The following MBD5 variants were observed in gnomAD, a reference collection of about 807,000 sequenced individuals.
MBD5 encodes methyl-CpG binding domain protein 5.
In MBD5, 13 loss-of-function variants were observed where a neutral mutation model predicts 117.3. That is an observed-to-expected ratio of 0.11 (90% CI 0.07 to 0.18). The LOEUF is 0.18. Ranked by LOEUF, MBD5 falls within the 10% of genes least tolerant of loss-of-function variation. The probability of loss-of-function intolerance (pLI) is 1.00; values close to 1 mark genes in which losing one functional copy is unlikely to be tolerated. For missense variants in MBD5, 1,879 were observed against 2,093.8 expected (o/e 0.90, Z 2.00); for synonymous variants, 727 against 766.4 (o/e 0.95, Z 0.85).
At chr2:148,391,856 A>G (rs1323070339) in intron 4 of MBD5, among the ~76,000 whole-genome samples, 2 of 152,214 alleles carry the variant, frequency 1.3e-5, no homozygotes, top group Non-Finnish European at 2.9e-5. Flanking sequence ...GCATCTGTTC[A>G]TCAAGGAACA....
chr2:148,487,931 C>CG (rs1471550120), intron 10 of MBD5, among the ~76,000 whole-genome samples: 1 of 151,976 alleles, frequency 6.6e-6, no homozygotes, highest in Non-Finnish European at 1.5e-5. Flanking sequence ...AGCAGGGGGT[C>CG]GGGGGTAGGA....
intron 3 of MBD5, among the ~76,000 whole-genome samples, chr2:148,257,084 C>T (rs572057829): frequency 6.6e-6 from 1 of 152,202 alleles, no homozygotes; most frequent in Non-Finnish European, 1.5e-5. Context: ...GTTTCTCTAT[C>T]AAGGAATAAC....
At chr2:148,311,250 A>T (rs1702022301) in intron 3 of MBD5, among the ~76,000 whole-genome samples, 1 of 152,172 alleles carries the variant, frequency 6.6e-6, no homozygotes, top group Non-Finnish European at 1.5e-5. Flanking sequence ...GTGGGGCATT[A>T]AAGTCTCCCA....
chr2:148,258,836 T>C (rs113169118), intron 3 of MBD5, among the ~76,000 whole-genome samples: 19,278 of 152,170 alleles, frequency 0.13, 1,483 homozygotes, highest in Non-Finnish European at 0.18. Flanking sequence ...CCCCTGTGGG[T>C]GGGGCATCTT....
chr2:148,431,003 G>A lies in MBD5; in HGVS notation c.-556-27200G>A, dbSNP rs138326766. ...GCTTTTTATGAGTTTACTGATTGGAGTACAGTCTGTCTTTACACATAATGT... is the reference window on the plus strand; with the variant it reads ...GCTTTTTATGAGTTTACTGATTGGAATACAGTCTGTCTTTACACATAATGT... On this transcript the variant is annotated intron_variant, in intron 4 of 13. Transcript: ENST00000642680. 5.9e-3 allele frequency among the ~76,000 whole-genome samples: 897 copies of A among 152,142 alleles called. 29 individuals are homozygous for A. The highest frequency in any genetic ancestry group is 0.051 in the Admixed American group (778 of 15,228).
At chr2:148,135,903 C>T (rs998620805) in intron 1 of MBD5, among the ~76,000 whole-genome samples, 44 of 152,130 alleles carry the variant, frequency 2.9e-4, no homozygotes, top group Non-Finnish European at 5.7e-4. Context: ...GAAGACCTCT[C>T]GGGGCCCTGT....
chr2:148,121,364 T>G (rs1696764374), intron 1 of MBD5, among the ~76,000 whole-genome samples: 1 of 151,962 alleles, frequency 6.6e-6, no homozygotes. Flanking sequence ...AAGGCATGCC[T>G]AAAAAAATAA....
In MBD5 at chr2:148,229,170, T is replaced by A. The variant is rs1387165399; in HGVS notation, c.-830-4075T>A. On this transcript the variant is annotated intron_variant, in intron 2 of 13. Transcript: ENST00000642680. ...TTTGCAGCCTGCTTTGCTTCATTGT[T>A]TTTTCTTTTCTTTCTTTTTTTTTTG... Among the ~76,000 whole-genome samples, 3 of 150,940 alleles carry A rather than the reference T, an allele frequency of 2.0e-5. No individual in the cohort carries two copies. In the East Asian group the frequency reaches 5.8e-4, roughly 29 times the overall value.
At chr2:148,154,027 A>C (rs1220841952) in intron 1 of MBD5, among the ~76,000 whole-genome samples, 1 of 99,738 alleles carries the variant, frequency 1.0e-5, no homozygotes, top group Non-Finnish European at 2.2e-5. Flanking sequence ...TGCGTTTTAG[A>C]GTTTCCAGTT....
At chr2:148,260,720 T>C (rs1700711729) in intron 3 of MBD5, 1 of 185,284 alleles carries the variant, frequency 5.4e-6, no homozygotes, top group Non-Finnish European at 1.2e-5. Flanking sequence ...TGAATATTCC[T>C]AATGGCATCT....
At chr2:148,477,905 G>A (rs959786327) in intron 8 of MBD5, among the ~76,000 whole-genome samples, 1 of 152,180 alleles carries the variant, frequency 6.6e-6, no homozygotes, top group Non-Finnish European at 1.5e-5. Flanking sequence ...TTAGCATAAA[G>A]TAGTATTTGT....
chr2:148,512,897 C>A lies in MBD5; in HGVS notation c.5140C>A (p.Gln1714Lys). The change falls in exon 14 of 14, where the codon CAA becomes AAA. Residue 1714 changes from glutamine to lysine, a missense_variant. Physicochemically the swap from Gln to Lys is moderately conservative, Grantham distance 53. Around this residue, in one of 4 missense-constraint regions of MBD5, gnomAD observed 135 missense variants for 148.0 expected, o/e 0.91. Coordinates refer to ENST00000642680, the MANE Select transcript of MBD5 (RefSeq NM_001378120.1). The part of the protein sequence containing the change: ...TVHQIPQGDR[Q>K]MRPPKPKRRK... The stretch of plus-strand genomic sequence containing the variant: ...ACACCAAATCCCACAGGGTGACAGA[C>A]AAATGAGACCCCCCAAACCCAAGAG... 2 of 1,613,842 alleles carry A rather than the reference C, an allele frequency of 1.2e-6. No homozygotes were observed. Among genetic ancestry groups the A allele is most frequent in the South Asian group, 1.1e-5 (1 of 91,068 alleles).
At chr2:148,158,916 G>A (rs773661352) in intron 1 of MBD5, among the ~76,000 whole-genome samples, 1 of 152,150 alleles carries the variant, frequency 6.6e-6, no homozygotes, top group Non-Finnish European at 1.5e-5. Flanking sequence ...TAGAGACGGG[G>A]TTTCATCGTG....
intron 1 of MBD5, among the ~76,000 whole-genome samples, chr2:148,120,519 C>T (rs1696746057): frequency 6.6e-6 from 1 of 152,074 alleles, no homozygotes. Context: ...TTTGGTTATT[C>T]ATAAGTATTT....
chr2:148,186,550 A>G (rs1201988047), intron 2 of MBD5, among the ~76,000 whole-genome samples: 1 of 152,244 alleles, frequency 6.6e-6, no homozygotes, highest in Non-Finnish European at 1.5e-5. Context: ...TTAAAAAAGT[A>G]AAGAGAAATT....
At chr2:148,284,939 G>A (rs1198242600) in intron 3 of MBD5, among the ~76,000 whole-genome samples, 12 of 152,110 alleles carry the variant, frequency 7.9e-5, no homozygotes, top group Non-Finnish European at 1.8e-4. Flanking sequence ...ATATATGAGT[G>A]ACTTTTTCCT....
chr2:148,482,575 A>G (rs1681192772), intron 8 of MBD5, among the ~76,000 whole-genome samples: 1 of 152,200 alleles, frequency 6.6e-6, no homozygotes, highest in African/African-American at 2.4e-5. Context: ...CTAAAATGTT[A>G]ATAGTTAATC....
At chr2:148,423,244 C>G (rs761473298) in intron 4 of MBD5, among the ~76,000 whole-genome samples, 5 of 152,008 alleles carry the variant, frequency 3.3e-5, no homozygotes, top group Non-Finnish European at 7.4e-5. Flanking sequence ...TCAGCAGAAA[C>G]CCTACAATCC....
intron 4 of MBD5, among the ~76,000 whole-genome samples, chr2:148,362,676 C>A (rs1237667534): frequency 6.6e-6 from 1 of 152,214 alleles, no homozygotes; most frequent in African/African-American, 2.4e-5. Context: ...CCCTGACCCC[C>A]GTGCCTCCTG....
Sources: gnomAD v4.1 joint callset for allele counts (sites outside exome capture counted in the v4.1 genomes callset) on GRCh38, gnomAD v4.1.1 for gene constraint, gnomAD v4.1.1 regional missense constraint, MANE v1.5 for transcripts, NCBI Gene and HGNC (gene_info 2026-07-23, HGNC 2026-07-21) for gene names.